The following DCAF1 variants were observed in gnomAD, a reference collection of about 807,000 sequenced individuals.
DCAF1 encodes DDB1 and CUL4 associated factor 1, also known as DDB1- and CUL4-associated factor 1.
Under a neutral mutation model 128.0 loss-of-function variants are expected in DCAF1, and 15 were observed. That is an observed-to-expected ratio of 0.12 (90% CI 0.08 to 0.18). The LOEUF is 0.18. DCAF1 is among the 10% of genes least tolerant of loss of function. The probability of loss-of-function intolerance (pLI) is 1.00; values close to 1 mark genes in which losing one functional copy is unlikely to be tolerated. For synonymous variants in DCAF1, 610 were observed against 603.0 expected, an observed-to-expected ratio of 1.01 and a Z score of -0.17; for missense variants, 988 against 1,649.5, an observed-to-expected ratio of 0.60 and a Z score of 6.95.
chr3:51,397,359 G>C (rs561150599), downstream of DCAF1: 1 of 167,000 alleles, frequency 6.0e-6, no homozygotes, highest in African/African-American at 2.4e-5. Context: ...TTCTACAAAC[G>C]CAGACAAGCT....
intron 9 of DCAF1, 148 bp downstream of exon 9, chr3:51,440,822 C>T (rs1382873293): frequency 3.3e-6 from 2 of 602,512 alleles, no homozygotes; most frequent in South Asian, 2.0e-5. Flanking sequence ...AGGAGAATCA[C>T]TTGAACCCAG....
At chr3:51,406,590 G>A (rs1423540575) in intron 23 of DCAF1, among the ~76,000 whole-genome samples, 1 of 151,906 alleles carries the variant, frequency 6.6e-6, no homozygotes, top group African/African-American at 2.4e-5. Context: ...GTTACCCAAA[G>A]CCCCCAAACC....
In DCAF1 at chr3:51,452,557, T is replaced by C. The variant is rs146913301; in HGVS notation, c.376-8654A>G. Among the ~76,000 whole-genome samples, 741 of 152,284 alleles carry C rather than the reference T, an allele frequency of 4.9e-3. 4 individuals are homozygous for C. Among genetic ancestry groups the C allele is most frequent in the Middle Eastern group, 0.014 (4 of 294 alleles). On this transcript the variant is annotated intron_variant, in intron 6 of 24. Transcript: ENST00000684031. ...CATTAATTAGGAAACGATAAAATTG[T>C]TCTTGCAGAAAGCTTTATTATTCAT...
intron 3 of DCAF1, among the ~76,000 whole-genome samples, chr3:51,475,600 G>A (rs552234526): frequency 2.0e-5 from 3 of 152,280 alleles, no homozygotes; most frequent in South Asian, 2.1e-4. Flanking sequence ...GGTGGCTTAC[G>A]CCCGTAATCC....
At chr3:51,433,809 A>G (rs1156307805) in intron 9 of DCAF1, among the ~76,000 whole-genome samples, 1 of 147,660 alleles carries the variant, frequency 6.8e-6, no homozygotes, top group African/African-American at 2.5e-5. Context: ...GGCTGGGTGC[A>G]GTGGCTCACG....
At chr3:51,505,210 G>A in the DCAF1 span, among the ~76,000 whole-genome samples, 1 of 151,066 alleles carries the variant, frequency 6.6e-6, no homozygotes, top group Non-Finnish European at 1.5e-5. Flanking sequence ...GTTGCAGTGA[G>A]CCGAGATCAC....
rs375302655 is a variant in DCAF1 at position 51,420,165 on chromosome 3, G to A, written c.2805C>T (p.Pro935=). 2.0e-5 allele frequency: 32 copies of A among 1,613,924 alleles called. No homozygotes were observed. In the East Asian group the frequency reaches 6.7e-4, roughly 34 times the overall value. The change falls in exon 15 of 25, where the codon CCC becomes CCT. Residue 935 remains proline, a synonymous_variant. Coordinates refer to ENST00000684031, the MANE Select transcript of DCAF1 (RefSeq NM_001387579.1). This position sits in a 1 kb window ranked among gnomAD's most constrained non-coding sequence, Gnocchi z 6.5. The part of the protein sequence containing the change: ...SAPTAHPQPR[P]PQGPLALPGP... ...CGGGCAGAGCTAGCGGACCCTGGGG[G>A]GGCCGTGGCTGAGGATGAGCAGTAG...
chr3:51,427,170 C>T (rs1699977613), intron 13 of DCAF1, among the ~76,000 whole-genome samples: 1 of 152,164 alleles, frequency 6.6e-6, no homozygotes, highest in African/African-American at 2.4e-5. Context: ...GCAAATTTTA[C>T]AATCACCAAG....
chr3:51,410,846 C>A (rs1489678016), intron 23 of DCAF1, among the ~76,000 whole-genome samples: 1 of 152,224 alleles, frequency 6.6e-6, no homozygotes, highest in Non-Finnish European at 1.5e-5. Context: ...ATCCAGAGCA[C>A]CTCTGTGCCC....
At chr3:51,396,482 G>C (rs1325807233), downstream of DCAF1, 2 of 166,244 alleles carry the variant, frequency 1.2e-5, no homozygotes, top group Admixed American at 1.3e-4. Context: ...GTGATTTTAT[G>C]AGACTGCCCC....
intron 10 of DCAF1, among the ~76,000 whole-genome samples, chr3:51,432,751 G>A (rs1346121718): frequency 4.6e-5 from 7 of 152,044 alleles, no homozygotes; most frequent in South Asian, 2.1e-4. Context: ...GAGCCACTGC[G>A]CCCGGCCTGT....
chr3:51,488,448 C>A (rs988421703), intron 2 of DCAF1, among the ~76,000 whole-genome samples: 1 of 151,906 alleles, frequency 6.6e-6, no homozygotes, highest in Admixed American at 6.6e-5. Flanking sequence ...GAGGCCAAGG[C>A]GGGTGGATCA....
intron 24 of DCAF1, among the ~76,000 whole-genome samples, chr3:51,401,477 A>G (rs141058658): frequency 2.7e-4 from 41 of 152,332 alleles, no homozygotes; most frequent in African/African-American, 8.9e-4. Flanking sequence ...CTCCACCTCA[A>G]TTCTGAAGTC....
chr3:51,403,091 G>T, intron 24 of DCAF1, 52 bp downstream of exon 24: 1 of 1,547,626 alleles, frequency 6.5e-7, no homozygotes, highest in South Asian at 1.3e-5. Context: ...CACAAAAGAA[G>T]GGATCTTGCC....
At chr3:51,500,450 G>A (rs9833987), upstream of DCAF1, among the ~76,000 whole-genome samples, 4,012 of 152,248 alleles carry the variant, frequency 0.026, 167 homozygotes, top group African/African-American at 0.09. Context: ...ATCTTACCTA[G>A]AACATACCGT....
chr3:51,449,735 T>C (rs1702181669), intron 6 of DCAF1, among the ~76,000 whole-genome samples: 3 of 152,074 alleles, frequency 2.0e-5, no homozygotes, highest in Admixed American at 6.5e-5. Flanking sequence ...ATCAACAAAA[T>C]TGACAAACTT....
chr3:51,420,054 G>C lies in DCAF1; in HGVS notation c.2916C>G (p.Ile972Met), dbSNP rs201180182. 144 of 1,614,042 alleles carry C rather than the reference G, an allele frequency of 8.9e-5. No individual in the cohort carries two copies. Among genetic ancestry groups the C allele is most frequent in the African/African-American group, 8.5e-4 (64 of 75,060 alleles). Residue 972 changes from isoleucine (I) to methionine (M), a missense_variant, in exon 15 of 25, where the codon ATC becomes ATG. Ile to Met is a conservative substitution (Grantham distance 10). Transcript: ENST00000684031. This position sits in a 1 kb window ranked among gnomAD's most constrained non-coding sequence, Gnocchi z 6.5. ...GGTCCGACTTCTGCCGCAACACTCT[G>C]ATTTTCCTGCCATTGCAGGGTGATG... is the stretch of plus-strand genomic sequence containing the variant. ...ERPSPCNGRK[I>M]RVLRQKSDHG...
At chr3:51,433,069 C>A (rs1436081172) in intron 10 of DCAF1, 37 bp downstream of exon 10, 12 of 398,368 alleles carry the variant, frequency 3.0e-5, no homozygotes, top group African/African-American at 2.3e-4. Flanking sequence ...TATCCCCAAC[C>A]TAATCTCATC....
intron 2 of DCAF1, among the ~76,000 whole-genome samples, chr3:51,491,075 C>T (rs562152047): frequency 1.3e-5 from 2 of 148,980 alleles, no homozygotes; most frequent in South Asian, 2.1e-4. Flanking sequence ...CGGGGTCAGG[C>T]GCAGTGGCTC....
Sources: gnomAD v4.1 joint callset for allele counts (sites outside exome capture counted in the v4.1 genomes callset) on GRCh38, gnomAD v4.1.1 for gene constraint, Gnocchi (gnomAD v3.1) non-coding constraint, MANE v1.5 for transcripts, NCBI Gene and HGNC (gene_info 2026-07-23, HGNC 2026-07-21) for gene names.